Variants in PDLIM7 observed in about 807,000 individuals in gnomAD.
The protein encoded by PDLIM7 is PDZ and LIM domain 7.
A neutral mutation model predicts 53.9 loss-of-function variants in PDLIM7; 37 were observed. The observed-to-expected ratio is 0.69, with a 90% CI of 0.53 to 0.90. The LOEUF (loss-of-function observed/expected upper bound fraction) is 0.90, where lower values mean the gene tolerates loss of function less well. PDLIM7 is among the 40% of genes least tolerant of loss of function. The probability of loss-of-function intolerance (pLI) is 0.00; values close to 1 mark genes in which losing one functional copy is unlikely to be tolerated. For synonymous variants in PDLIM7, 300 were observed against 261.3 expected, an observed-to-expected ratio of 1.15 and a Z score of -1.43; for missense variants, 617 against 638.5, an observed-to-expected ratio of 0.97 and a Z score of 0.36.
intron 1 of PDLIM7, 66 bp downstream of exon 1, chr5:177,497,462 T>G (rs1308467335): frequency 6.6e-6 from 1 of 152,174 alleles, no homozygotes; most frequent in Non-Finnish European, 1.5e-5. Flanking sequence ...GTGCCCTTTG[T>G]GGTCCTCAGC....
rs752935113 is a variant in PDLIM7, at chr5:177,489,564, C to G, written c.698G>C (p.Arg233Pro). ...PWAVDPAFAE[R>P]YAPDKTSTVL... ...TGTGCTCGTTTTGTCCGGGGCATAG[C>G]GCTCGGCAAACGCAGGGTCCACAGC... The change falls in exon 9 of 13, where the codon CGC becomes CCC. Residue 233 changes from arginine (R) to proline (P), a missense_variant. Transcript: ENST00000355841. The G allele has an allele frequency of 6.2e-7, 1 of 1,610,712 alleles. No individual in the cohort carries two copies. Among genetic ancestry groups the G allele is most frequent in the Non-Finnish European group, 8.5e-7 (1 of 1,179,186 alleles).
At position 177,490,866 on chromosome 5, in the gene PDLIM7, G is replaced by C; in HGVS notation, c.572+4C>G. 6.2e-7 allele frequency: 1 copy of C among 1,614,032 alleles called. No individual in the cohort carries two copies. Among genetic ancestry groups the C allele is most frequent in the Non-Finnish European group, 8.5e-7 (1 of 1,179,950 alleles). On this transcript the variant is annotated splice_donor_region_variant and intron_variant, in intron 7 of 12. Transcript: ENST00000355841. ...GGGAGAGGGGCTGGTGCCCGTCCCT[G>C]TACCTTGATTTCTTCAGGTGCTCCT...
chr5:177,492,377 C>G (rs751687174), intron 4 of PDLIM7, 28 bp downstream of exon 4: 9 of 1,611,324 alleles, frequency 5.6e-6, no homozygotes, highest in Non-Finnish European at 7.6e-6. Flanking sequence ...CACCGCCCAC[C>G]GCCCGGATGT....
intron 11 of PDLIM7, 40 bp downstream of exon 11, chr5:177,484,030 C>T: frequency 6.2e-7 from 1 of 1,613,540 alleles, no homozygotes; most frequent in Non-Finnish European, 8.5e-7. Flanking sequence ...ATGCCTGCCC[C>T]ATGCACCATC....
At position 177,483,944 on chromosome 5, in the gene PDLIM7, C is replaced by T. The variant is rs1239951881; in HGVS notation, c.1210G>A (p.Asp404Asn). ...CGGTCCCCAGCGTCGATCTTGAAGT[C>T]ACAGCCATGGCATTTCGTGCCAAAC... ...KMFGTKCHGCDFKIDAGDRFL... is the reference protein window; with the variant it reads ...KMFGTKCHGCNFKIDAGDRFL... The change falls in exon 12 of 13, where the codon GAC (aspartate) becomes AAC (asparagine). Residue 404 changes from aspartate (D) to asparagine (N), a missense_variant. Coordinates refer to ENST00000355841, the MANE Select transcript of PDLIM7 (RefSeq NM_005451.5). 1 of 1,613,994 alleles carries T rather than the reference C, an allele frequency of 6.2e-7. No individual in the cohort carries two copies. Among genetic ancestry groups the T allele is most frequent in the Non-Finnish European group, 8.5e-7 (1 of 1,180,004 alleles).
chr5:177,488,166 C>T lies in PDLIM7; in HGVS notation c.952G>A (p.Gly318Ser). 2 of 1,613,518 alleles carry T rather than the reference C, an allele frequency of 1.2e-6. No homozygotes were observed. Among genetic ancestry groups the T allele is most frequent in the South Asian group, 2.2e-5 (2 of 91,082 alleles). Residue 318 changes from glycine (G) to serine (S), a missense_variant, in exon 10 of 13, where the codon GGT (glycine) becomes AGT (serine). By Grantham distance (56) the Gly-to-Ser change is moderately conservative. Coordinates refer to ENST00000355841, the MANE Select transcript of PDLIM7 (RefSeq NM_005451.5). Reference protein sequence around the residue: ...CSQCGKVLEEGGFFEEKGAIF... With the variant: ...CSQCGKVLEESGFFEEKGAIF... The stretch of plus-strand genomic sequence containing the variant: ...GCGCCCTTCTCCTCAAAGAAGCCAC[C>T]CTCTTCCAGGACCTTCCCACACTGG...
At chr5:177,497,022 GA>G (rs1395046994) in intron 1 of PDLIM7, 43 of 122,888 alleles carry the variant, frequency 3.5e-4, no homozygotes, top group African/African-American at 1.2e-3. Context: ...GGGGGGAGGG[GA>G]GGGGAGGGGA....
intron 2 of PDLIM7, among the ~76,000 whole-genome samples, chr5:177,493,235 C>G (rs956550319): frequency 2.6e-5 from 4 of 152,208 alleles, no homozygotes; most frequent in Non-Finnish European, 5.9e-5. Flanking sequence ...CTTTGAGAGC[C>G]AGGAACAGGC....
chr5:177,495,986 T>G (rs1759051626), intron 2 of PDLIM7, among the ~76,000 whole-genome samples: 1 of 152,012 alleles, frequency 6.6e-6, no homozygotes, highest in Admixed American at 6.6e-5. Flanking sequence ...TGAGTTCTTC[T>G]CTCATCTGGA....
At chr5:177,496,608 G>T in intron 1 of PDLIM7, 85 bp from the exon 2 acceptor site, 1 of 907,288 alleles carries the variant, frequency 1.1e-6, no homozygotes. Flanking sequence ...ACCAGCCTTG[G>T]ACAGGGGCCA....
chr5:177,491,688 G>A, intron 5 of PDLIM7, 119 bp downstream of exon 5: 5 of 669,742 alleles, frequency 7.5e-6, no homozygotes, highest in Non-Finnish European at 1.2e-5. Flanking sequence ...CCGCCAGGGG[G>A]CGCTGCCGCA....
At chr5:177,491,961 A>C in intron 4 of PDLIM7, 36 bp from the exon 5 acceptor site, 6 of 243,982 alleles carry the variant, frequency 2.5e-5, no homozygotes, top group Admixed American at 1.2e-4. Context: ...GCGGGCGGGC[A>C]GGGTAAGGTG....
At chr5:177,490,199 C>T in intron 7 of PDLIM7, 3 of 1,445,322 alleles carry the variant, frequency 2.1e-6, no homozygotes, top group Non-Finnish European at 1.8e-6. Flanking sequence ...ACCCCCACAC[C>T]CCAAATGCAA....
rs1758831540 is a variant in PDLIM7, at chr5:177,492,181, A to AGCAGGCGGACAG, written c.279+212_279+223dup. The AGCAGGCGGACAG allele has an allele frequency of 1.7e-5, 11 of 633,528 alleles. No individual in the cohort carries two copies. In the South Asian group the frequency reaches 2.2e-4, roughly 13 times the overall value. The allele number at this position is 633,528 out of a possible 1,614,324, so 39.2% of individuals were successfully genotyped here. ...GCACGCAGCGCCGGCGGCGGGAGGC[A>AGCAGGCGGACAG]GCAGGCGGACAGACAGGCGGACAGA... On this transcript the variant is annotated intron_variant, in intron 4 of 12. Transcript: ENST00000355841.
intron 10 of PDLIM7, among the ~76,000 whole-genome samples, chr5:177,486,893 A>C (rs190813473): frequency 2.2e-5 from 3 of 137,102 alleles, no homozygotes; most frequent in East Asian, 2.2e-4. Context: ...GGCCTCCCAA[A>C]GTGCTGGGAT....
At chr5:177,490,030 A>C (rs528034286) in intron 7 of PDLIM7, 198 bp from the exon 8 acceptor site, 1 of 1,533,714 alleles carries the variant, frequency 6.5e-7, no homozygotes, top group East Asian at 2.4e-5. Context: ...TGCGGTCTCT[A>C]GCTGGGAGAC....
At chr5:177,484,250 C>T (rs559310248) in intron 10 of PDLIM7, 60 bp from the exon 11 acceptor site, 8 of 1,595,564 alleles carry the variant, frequency 5.0e-6, no homozygotes, top group Admixed American at 3.4e-5. Flanking sequence ...CCCTGGGTCA[C>T]GGGAACACAG....
rs1758651417 is a variant in PDLIM7, at chr5:177,489,763, C to T, written c.634+8G>A. On this transcript the variant is annotated splice_region_variant and intron_variant, in intron 8 of 12. Coordinates refer to ENST00000355841, the MANE Select transcript of PDLIM7 (RefSeq NM_005451.5). ...CCCTTGCCCAGGCCCGAGCCCACTC[C>T]CTCTCACCAGGCCAGGGCTCCTGGG... 1 of 1,543,054 alleles carries T rather than the reference C, an allele frequency of 6.5e-7. No homozygotes were observed. Among genetic ancestry groups the T allele is most frequent in the South Asian group, 1.2e-5 (1 of 84,366 alleles).
intron 4 of PDLIM7, 30 bp downstream of exon 4, chr5:177,492,371 GCCCA>G (rs761841923): frequency 6.2e-7 from 1 of 1,610,138 alleles, no homozygotes; most frequent in African/African-American, 1.3e-5. Context: ...AGCCCACACC[GCCCA>G]CCGCCCGGAT....
Sources: gnomAD v4.1 joint callset for allele counts (sites outside exome capture counted in the v4.1 genomes callset) on GRCh38, gnomAD v4.1.1 for gene constraint, MANE v1.5 for transcripts, NCBI Gene and HGNC (gene_info 2026-07-23, HGNC 2026-07-21) for gene names.